The following UBE2E2 variants were observed in gnomAD, a reference collection of about 807,000 sequenced individuals.
UBE2E2 encodes ubiquitin conjugating enzyme E2 E2.
A neutral mutation model predicts 24.7 loss-of-function variants in UBE2E2; 6 were observed. That is an observed-to-expected ratio of 0.24 (90% CI 0.13 to 0.48). UBE2E2 has a LOEUF of 0.48. Ranked by LOEUF, UBE2E2 falls within the 20% of genes least tolerant of loss-of-function variation. The pLI is 0.99. For missense variants in UBE2E2, 169 were observed against 245.0 expected (o/e 0.69, Z 2.07); for synonymous variants, 104 against 83.6 (o/e 1.24, Z -1.33).
chr3:23,469,835 C>T (rs1243047779), intron 3 of UBE2E2, among the ~76,000 whole-genome samples: 1 of 152,206 alleles, frequency 6.6e-6, no homozygotes, highest in South Asian at 2.1e-4. Flanking sequence ...CCTCTGATTT[C>T]TAAAATAAGC....
intron 3 of UBE2E2, among the ~76,000 whole-genome samples, chr3:23,379,946 G>C (rs1696624534): frequency 6.6e-6 from 1 of 152,082 alleles, no homozygotes; most frequent in Admixed American, 6.5e-5. Flanking sequence ...TTGGAAAAGT[G>C]AGAAGGAATC....
chr3:23,207,593 T>A (rs887786081), intron 1 of UBE2E2, among the ~76,000 whole-genome samples: 4 of 152,168 alleles, frequency 2.6e-5, no homozygotes, highest in Non-Finnish European at 4.4e-5. Flanking sequence ...ACTTACTAGT[T>A]TGGAGAATTT....
chr3:23,230,228 A>G (rs941439898), intron 3 of UBE2E2, among the ~76,000 whole-genome samples: 1 of 152,144 alleles, frequency 6.6e-6, no homozygotes, highest in Non-Finnish European at 1.5e-5. Context: ...AATATTGCAA[A>G]TGATTGTTTT....
intron 1 of UBE2E2, among the ~76,000 whole-genome samples, chr3:23,205,076 A>G (rs927893993): frequency 2.0e-5 from 3 of 152,256 alleles, no homozygotes; most frequent in African/African-American, 7.2e-5. Context: ...TGTAATTACA[A>G]CATAGGGTAC....
intron 3 of UBE2E2, among the ~76,000 whole-genome samples, chr3:23,337,783 T>C (rs1488725798): frequency 1.3e-5 from 2 of 152,164 alleles, no homozygotes; most frequent in Admixed American, 1.3e-4. Context: ...TAAAGATTGG[T>C]AGGAGTTAGA....
intron 3 of UBE2E2, among the ~76,000 whole-genome samples, chr3:23,287,592 G>A (rs1698649931): frequency 6.6e-6 from 1 of 151,986 alleles, no homozygotes; most frequent in African/African-American, 2.4e-5. Flanking sequence ...TGGATTTGAT[G>A]TCATTACTTG....
intron 3 of UBE2E2, among the ~76,000 whole-genome samples, chr3:23,333,324 A>G (rs1186983220): frequency 2.6e-5 from 4 of 152,248 alleles, no homozygotes; most frequent in Non-Finnish European, 5.9e-5. Flanking sequence ...TTCGAAGGCT[A>G]TAAAAGACTG....
At chr3:23,271,672 T>TAGCTAGATGTAAA (rs1698246962) in intron 3 of UBE2E2, among the ~76,000 whole-genome samples, 1 of 151,814 alleles carries the variant, frequency 6.6e-6, no homozygotes, top group South Asian at 2.1e-4. Context: ...TACAATCCTC[T>TAGCTAGATGTAAA]AGCTAGATGT....
At chr3:23,440,896 A>G (rs1222511434) in intron 3 of UBE2E2, among the ~76,000 whole-genome samples, 1 of 152,128 alleles carries the variant, frequency 6.6e-6, no homozygotes, top group Non-Finnish European at 1.5e-5. Flanking sequence ...GTAGCTGTAT[A>G]TTTAAATCCT....
At chr3:23,424,214 T>C (rs1385037086) in intron 3 of UBE2E2, among the ~76,000 whole-genome samples, 1 of 152,140 alleles carries the variant, frequency 6.6e-6, no homozygotes, top group African/African-American at 2.4e-5. Flanking sequence ...TTGAACCAGA[T>C]AAATCTAAGA....
At chr3:23,277,846 A>G (rs954359497) in intron 3 of UBE2E2, among the ~76,000 whole-genome samples, 3 of 152,116 alleles carry the variant, frequency 2.0e-5, no homozygotes, top group African/African-American at 7.2e-5. Flanking sequence ...ATAACAGTCA[A>G]TAGTTAATTA....
chr3:23,544,624 G>C (rs1170740336), intron 5 of UBE2E2, among the ~76,000 whole-genome samples: 1 of 152,206 alleles, frequency 6.6e-6, no homozygotes, highest in African/African-American at 2.4e-5. Context: ...TACAAGCTGT[G>C]TGGACTATGG....
intron 3 of UBE2E2, among the ~76,000 whole-genome samples, chr3:23,230,285 C>T (rs895056847): frequency 1.3e-5 from 2 of 152,132 alleles, no homozygotes; most frequent in African/African-American, 2.4e-5. Flanking sequence ...TATGGTTCAG[C>T]AGTGTCTGCA....
At chr3:23,221,254 C>T (rs1321933278) in intron 3 of UBE2E2, among the ~76,000 whole-genome samples, 1 of 152,190 alleles carries the variant, frequency 6.6e-6, no homozygotes, top group Non-Finnish European at 1.5e-5. Context: ...AGAATCTGCT[C>T]ATGGAACACT....
chr3:23,300,315 A>G lies in UBE2E2; in HGVS notation c.227+83003A>G, dbSNP rs1575544201. ...GTTAATATTGTTATGTGTGAATTTG[A>G]TCCTGTCATTATGATGTTAGCTGGT... On this transcript the variant is annotated intron_variant, in intron 3 of 5. Transcript: ENST00000396703. 2.0e-5 allele frequency among the ~76,000 whole-genome samples: 3 copies of G among 152,182 alleles called. No homozygotes were observed. In the South Asian group the frequency reaches 6.2e-4, roughly 32 times the overall value.
chr3:23,226,843 G>A (rs1696839481), intron 3 of UBE2E2, among the ~76,000 whole-genome samples: 1 of 152,030 alleles, frequency 6.6e-6, no homozygotes, highest in Admixed American at 6.6e-5. Context: ...TAAAAAAATT[G>A]TGTCATAGAA....
At chr3:23,213,461 T>C (rs147401816) in intron 2 of UBE2E2, among the ~76,000 whole-genome samples, 1 of 152,260 alleles carries the variant, frequency 6.6e-6, no homozygotes, top group Non-Finnish European at 1.5e-5. Context: ...TATTGTAGTC[T>C]TATCATTCAT....
At chr3:23,488,859 C>T (rs1308658902) in intron 3 of UBE2E2, among the ~76,000 whole-genome samples, 1 of 152,202 alleles carries the variant, frequency 6.6e-6, no homozygotes, top group African/African-American at 2.4e-5. Context: ...AGTGTTCTTA[C>T]AGTACAGATA....
At chr3:23,544,903 G>A (rs1401215913) in intron 5 of UBE2E2, among the ~76,000 whole-genome samples, 1 of 152,126 alleles carries the variant, frequency 6.6e-6, no homozygotes, top group Non-Finnish European at 1.5e-5. Context: ...AGTGGGGAGA[G>A]GGTCAGCAGA....
Sources: allele counts gnomAD v4.1 joint callset (sites outside exome capture counted in the v4.1 genomes callset), GRCh38; gene constraint gnomAD v4.1.1; transcripts MANE v1.5; gene names NCBI Gene and HGNC (gene_info 2026-07-23, HGNC 2026-07-21).